Variants in ZC3H8 observed in about 807,000 individuals in gnomAD.
ZC3H8 encodes zinc finger CCCH-type containing 8.
A neutral mutation model predicts 42.5 loss-of-function variants in ZC3H8; 27 were observed. The ratio of observed to expected loss-of-function variants is 0.64; its 90% CI spans 0.47 to 0.88. The LOEUF is 0.88. ZC3H8 is among the 40% of genes least tolerant of loss of function. The probability of loss-of-function intolerance (pLI) is 0.00; values close to 1 mark genes in which losing one functional copy is unlikely to be tolerated. For missense variants in ZC3H8, 277 were observed against 336.1 expected (o/e 0.82, Z 1.37); for synonymous variants, 101 against 110.1 (o/e 0.92, Z 0.52).
intron 2 of ZC3H8, among the ~76,000 whole-genome samples, chr2:112,242,345 C>T (rs1030816759): frequency 6.6e-6 from 1 of 152,158 alleles, no homozygotes; most frequent in African/African-American, 2.4e-5. Context: ...TCCATAAATA[C>T]AATTTTATTG....
At chr2:112,223,504 A>G (rs186911631) in intron 8 of ZC3H8, among the ~76,000 whole-genome samples, 13 of 152,180 alleles carry the variant, frequency 8.5e-5, no homozygotes, top group African/African-American at 3.1e-4. Flanking sequence ...TTTTTCCATG[A>G]TAATTCTTGT....
intron 1 of ZC3H8, 90 bp downstream of exon 1, chr2:112,254,818 T>G: frequency 6.9e-7 from 1 of 1,446,592 alleles, no homozygotes; most frequent in Non-Finnish European, 9.3e-7. Flanking sequence ...GGCCCGGACG[T>G]GGCCCCGGAC....
In ZC3H8 at chr2:112,238,333, C is replaced by T; in HGVS notation, c.352G>A (p.Val118Ile). ...CTCTTACCCTGTGGGGTATCTTTTA[C>T]TCCTTCTTTCTTTGTAGATTCTTCA... is the stretch of plus-strand genomic sequence containing the variant. ...QPEESTKKEG[V>I]KDTPQAAKQK... The change falls in exon 3 of 9, where the codon GTA (valine) becomes ATA (isoleucine). Residue 118 changes from valine (V) to isoleucine (I), a missense_variant. By Grantham distance (29) the Val-to-Ile change is conservative (BLOSUM62 3). Coordinates refer to ENST00000409573, the MANE Select transcript of ZC3H8 (RefSeq NM_032494.3). 1 of 1,613,574 alleles carries T rather than the reference C, an allele frequency of 6.2e-7. No homozygotes were observed.
chr2:112,235,414 CAG>C (rs1028033317), intron 4 of ZC3H8, among the ~76,000 whole-genome samples: 2 of 152,154 alleles, frequency 1.3e-5, no homozygotes, highest in Non-Finnish European at 2.9e-5. Context: ...AGAATATTGA[CAG>C]GGGGTTGAGA....
rs956648498 is a variant in ZC3H8, at chr2:112,238,451, A to T, written c.234T>A (p.Asp78Glu). Residue 78 changes from aspartate (D) to glutamate (E), a missense_variant, in exon 3 of 9, where the codon GAT (aspartate) becomes GAA (glutamate). Physicochemically the swap from Asp to Glu is conservative, Grantham distance 45 (BLOSUM62 2). Transcript: ENST00000409573. The part of the protein sequence containing the change: ...SRSKDYDVYS[D>E]NDICSQESED... ...CTGATTCCTGACTGCAGATATCATT[A>T]TCACTATATACATCATAGTCCTTAC... The T allele has an allele frequency of 6.2e-7, 1 of 1,613,536 alleles. No individual in the cohort carries two copies. Among genetic ancestry groups the T allele is most frequent in the Middle Eastern group, 1.7e-4 (1 of 6,060 alleles).
In ZC3H8 at chr2:112,230,450, T is replaced by C. The variant is rs80214456; in HGVS notation, c.*15+453A>G. Among the ~76,000 whole-genome samples, 66 of 152,250 alleles carry C rather than the reference T, an allele frequency of 4.3e-4. 1 individual carries two copies. The East Asian group carries it at 0.012, about 28-fold the overall frequency. On this transcript the variant is annotated intron_variant, in intron 8 of 8. Transcript: ENST00000409573. ...AAATTGAAAATAACCTAAATATTCA[T>C]TAATAGTAGAATGACCAAATAACTA...
Position 112,236,547 on chromosome 2 carries a change from C to G in ZC3H8, c.504+15G>C. The G allele has an allele frequency of 6.2e-7, 1 of 1,610,418 alleles. No homozygotes were observed. The highest frequency in any genetic ancestry group is 1.3e-5 in the African/African-American group (1 of 74,722). ...TGCAGGGGTCAGGTATTCCTAGAAGCATATATTCCAATACCTCTTCCTGTG... is the reference window on the plus strand; with the variant it reads ...TGCAGGGGTCAGGTATTCCTAGAAGGATATATTCCAATACCTCTTCCTGTG... On this transcript the variant is annotated intron_variant, in intron 4 of 8. Coordinates refer to ENST00000409573, the MANE Select transcript of ZC3H8 (RefSeq NM_032494.3).
At chr2:112,219,652 T>A (rs750739658) in intron 8 of ZC3H8, among the ~76,000 whole-genome samples, 29 of 148,038 alleles carry the variant, frequency 2.0e-4, no homozygotes, top group Non-Finnish European at 3.0e-4. Context: ...GTGGGGTGAT[T>A]TTTTTTTTTA....
intron 2 of ZC3H8, among the ~76,000 whole-genome samples, chr2:112,248,404 A>C (rs1218281429): frequency 6.6e-6 from 1 of 152,220 alleles, no homozygotes; most frequent in African/African-American, 2.4e-5. Flanking sequence ...AGCAAGCAAG[A>C]AAGCTAAGTA....
At chr2:112,254,738 C>T (rs1686066467) in intron 1 of ZC3H8, among the ~76,000 whole-genome samples, 170 bp downstream of exon 1, 1 of 152,250 alleles carries the variant, frequency 6.6e-6, no homozygotes, top group Admixed American at 6.5e-5. Flanking sequence ...ACCCGGACCC[C>T]GCACGACCTC....
chr2:112,241,445 C>A (rs934165287), intron 2 of ZC3H8, among the ~76,000 whole-genome samples: 1 of 152,132 alleles, frequency 6.6e-6, no homozygotes, highest in African/African-American at 2.4e-5. Flanking sequence ...AGAGACCCCC[C>A]CCTCAAGGGC....
At chr2:112,230,465 C>T (rs1328713331) in intron 8 of ZC3H8, among the ~76,000 whole-genome samples, 1 of 151,702 alleles carries the variant, frequency 6.6e-6, no homozygotes, top group African/African-American at 2.4e-5. Flanking sequence ...AGTAGAATGA[C>T]CAAATAACTA....
At chr2:112,221,725 T>A (rs1684594552) in intron 8 of ZC3H8, among the ~76,000 whole-genome samples, 1 of 152,128 alleles carries the variant, frequency 6.6e-6, no homozygotes, top group Admixed American at 6.5e-5. Context: ...TCAGTCTGGT[T>A]CTTTCTTATA....
chr2:112,222,679 A>T (rs1362372500), intron 8 of ZC3H8, among the ~76,000 whole-genome samples: 4 of 152,222 alleles, frequency 2.6e-5, no homozygotes, highest in Admixed American at 2.6e-4. Context: ...AAAAAAGGAC[A>T]TACTGTATGA....
At chr2:112,246,964 C>T (rs773860369) in intron 2 of ZC3H8, among the ~76,000 whole-genome samples, 4 of 152,192 alleles carry the variant, frequency 2.6e-5, no homozygotes, top group Non-Finnish European at 5.9e-5. Flanking sequence ...TTAGCAGTCA[C>T]CACCCTCAGC....
At chr2:112,232,435 C>A (rs190823099) in intron 6 of ZC3H8, among the ~76,000 whole-genome samples, 1 of 151,764 alleles carries the variant, frequency 6.6e-6, no homozygotes, top group South Asian at 2.1e-4. Flanking sequence ...GGACTACATA[C>A]GTAAATCAAG....
intron 2 of ZC3H8, among the ~76,000 whole-genome samples, chr2:112,248,735 C>T (rs1685844762): frequency 6.6e-6 from 1 of 152,124 alleles, no homozygotes; most frequent in South Asian, 2.1e-4. Flanking sequence ...TATACATTAC[C>T]TTTGTTATGG....
intron 6 of ZC3H8, among the ~76,000 whole-genome samples, chr2:112,232,720 C>T (rs1247670646): frequency 5.8e-4 from 88 of 152,036 alleles, no homozygotes; most frequent in Non-Finnish European, 3.1e-4. Context: ...TTTGATACTC[C>T]TTATATTGAA....
At position 112,250,232 on chromosome 2, in the gene ZC3H8, C is replaced by T. The variant is rs761008057; in HGVS notation, c.115G>A (p.Glu39Lys). Residue 39 changes from glutamate (E) to lysine (K), a missense_variant, in exon 2 of 9, where the codon GAA becomes AAA. Physicochemically the swap from Glu to Lys is moderately conservative, Grantham distance 56. Coordinates refer to ENST00000409573, the MANE Select transcript of ZC3H8 (RefSeq NM_032494.3). ...EIDTEVEETQ[E>K]EKIKLECEQI... ...TCGCACTCCAGTTTAATTTTCTCTT[C>T]TTGTGTTTCTTCAACTTCTGTATCT... 1.9e-6 allele frequency: 3 copies of T among 1,565,680 alleles called. No homozygotes were observed. The highest frequency in any genetic ancestry group is 1.7e-6 in the Non-Finnish European group (2 of 1,153,962).
Sources: allele counts gnomAD v4.1 joint callset (sites outside exome capture counted in the v4.1 genomes callset), GRCh38; gene constraint gnomAD v4.1.1; transcripts MANE v1.5; gene names NCBI Gene and HGNC (gene_info 2026-07-23, HGNC 2026-07-21).